SEPTIN7: variants seen among roughly 807,000 people sequenced by gnomAD.
The protein encoded by SEPTIN7 is septin 7.
In SEPTIN7, 10 loss-of-function variants were observed where a neutral mutation model predicts 63.3. The ratio of observed to expected loss-of-function variants is 0.16; its 90% CI spans 0.10 to 0.27. The LOEUF is 0.27. Among genes scored for constraint, SEPTIN7 ranks in the 10% least tolerant of loss-of-function variants. The probability of loss-of-function intolerance (pLI) is 1.00; values close to 1 mark genes in which losing one functional copy is unlikely to be tolerated. For synonymous variants in SEPTIN7, 131 were observed against 165.3 expected (o/e 0.79, Z 1.59); for missense variants, 310 against 521.0 (o/e 0.59, Z 3.94).
intron 1 of SEPTIN7, among the ~76,000 whole-genome samples, chr7:35,824,367 G>A (rs1353165820): frequency 2.0e-5 from 3 of 152,056 alleles, no homozygotes; most frequent in Non-Finnish European, 4.4e-5. Flanking sequence ...GTTTGTTTAG[G>A]TGATTATGAT....
intron 3 of SEPTIN7, among the ~76,000 whole-genome samples, chr7:35,859,327 T>C (rs1381990585): frequency 2.6e-5 from 4 of 152,228 alleles, no homozygotes; most frequent in African/African-American, 9.6e-5. Flanking sequence ...CCTCCATTAC[T>C]GATTTTTAGT....
chr7:35,907,682 T>C (rs116326430), downstream of SEPTIN7, among the ~76,000 whole-genome samples: 403 of 152,310 alleles, frequency 2.6e-3, 2 homozygotes, highest in African/African-American at 9.3e-3. Context: ...CATGATCTTC[T>C]ACAGAGTTGT....
upstream of SEPTIN7, chr7:35,801,041 C>T (rs1436603480): frequency 3.3e-4 from 155 of 475,598 alleles, no homozygotes; most frequent in East Asian, 5.2e-3. Flanking sequence ...GGGCGGGGGA[C>T]GGAGGAGGGA....
chr7:35,880,595 G>T (rs1405337896), intron 7 of SEPTIN7, among the ~76,000 whole-genome samples: 2 of 151,414 alleles, frequency 1.3e-5, no homozygotes, highest in Non-Finnish European at 2.9e-5. Context: ...TATTGATATG[G>T]GTTCTTTTTA....
intron 1 of SEPTIN7, among the ~76,000 whole-genome samples, chr7:35,810,914 A>T (rs1191145740): frequency 6.6e-6 from 1 of 151,480 alleles, no homozygotes; most frequent in Non-Finnish European, 1.5e-5. Context: ...TTACAGGCAC[A>T]TGCCACCACG....
chr7:35,835,511 A>G (rs919361538), intron 3 of SEPTIN7, among the ~76,000 whole-genome samples: 2 of 152,146 alleles, frequency 1.3e-5, no homozygotes, highest in Admixed American at 6.5e-5. Context: ...TTGCTAGGAG[A>G]TGGCAGAACC....
chr7:35,833,393 G>A (rs148311091), intron 3 of SEPTIN7, among the ~76,000 whole-genome samples: 1 of 152,022 alleles, frequency 6.6e-6, no homozygotes, highest in African/African-American at 2.4e-5. Context: ...GACTCTCCTG[G>A]TTCTCTAATT....
chr7:35,841,501 A>G (rs565818635), intron 3 of SEPTIN7, among the ~76,000 whole-genome samples: 1 of 152,346 alleles, frequency 6.6e-6, no homozygotes, highest in East Asian at 1.9e-4. Flanking sequence ...CGAGAGGCCT[A>G]AGATAAACTT....
intron 3 of SEPTIN7, among the ~76,000 whole-genome samples, chr7:35,843,795 T>TA (rs953639523): frequency 1.2e-4 from 19 of 152,206 alleles, no homozygotes; most frequent in African/African-American, 4.6e-4. Context: ...AATAGGCTGA[T>TA]ATTTAGAAGG....
At chr7:35,806,093 CA>C (rs939319473) in intron 1 of SEPTIN7, among the ~76,000 whole-genome samples, 47 of 152,286 alleles carry the variant, frequency 3.1e-4, no homozygotes, top group African/African-American at 1.0e-3. Flanking sequence ...CAGACATTGC[CA>C]AATGTCACGT....
intron 3 of SEPTIN7, among the ~76,000 whole-genome samples, chr7:35,862,755 T>G (rs1202082616): frequency 6.6e-6 from 1 of 152,182 alleles, no homozygotes; most frequent in Non-Finnish European, 1.5e-5. Flanking sequence ...CAATAAATAC[T>G]TTAACTCTGT....
chr7:35,907,396 T>A (rs1005209699), downstream of SEPTIN7, among the ~76,000 whole-genome samples: 3 of 152,238 alleles, frequency 2.0e-5, no homozygotes, highest in Non-Finnish European at 2.9e-5. Context: ...TAGTTACATG[T>A]GTTATTTAAT....
intron 1 of SEPTIN7, among the ~76,000 whole-genome samples, chr7:35,819,843 C>A (rs1446376979): frequency 6.6e-6 from 1 of 152,094 alleles, no homozygotes; most frequent in African/African-American, 2.4e-5. Flanking sequence ...TTGGATCTTA[C>A]TTTTAAAAAT....
chr7:35,893,393 T>A (rs1461288236), intron 11 of SEPTIN7, among the ~76,000 whole-genome samples: 1 of 152,174 alleles, frequency 6.6e-6, no homozygotes, highest in East Asian at 1.9e-4. Context: ...GAATATAAGC[T>A]AAACTTTTTA....
chr7:35,835,956 T>G (rs558391703), intron 3 of SEPTIN7, among the ~76,000 whole-genome samples: 17 of 152,302 alleles, frequency 1.1e-4, no homozygotes, highest in African/African-American at 4.1e-4. Context: ...TTGTATGTAA[T>G]TGTGCTTTAT....
intron 1 of SEPTIN7, among the ~76,000 whole-genome samples, chr7:35,828,619 C>T (rs527705292): frequency 7.9e-5 from 12 of 152,258 alleles, no homozygotes; most frequent in African/African-American, 2.9e-4. Context: ...CCTTGTGATC[C>T]ACCCGCCTTG....
At chr7:35,893,415 C>A (rs185609014) in intron 11 of SEPTIN7, among the ~76,000 whole-genome samples, 82 of 152,248 alleles carry the variant, frequency 5.4e-4, no homozygotes, top group Middle Eastern at 3.4e-3. Context: ...AGATGTTAGA[C>A]ATTGAATAGT....
intron 12 of SEPTIN7, chr7:35,900,989 A>G (rs1318190764): frequency 6.6e-6 from 1 of 152,202 alleles, no homozygotes; most frequent in Non-Finnish European, 1.5e-5. Flanking sequence ...GCAAATCATC[A>G]TGTATATGAT....
At position 35,905,258 on chromosome 7, in the gene SEPTIN7, TTTTG is replaced by T. The variant is rs1330065662; in HGVS notation, c.*971_*974del. The T allele has an allele frequency of 6.6e-6, 1 of 152,656 alleles. No individual in the cohort carries two copies. The highest frequency in any genetic ancestry group is 1.9e-4 in the East Asian group (1 of 5,200). 9.5% of individuals were successfully genotyped at this position (152,656 alleles called of 1,614,324 possible). A position where few individuals can be genotyped will look rare whatever the true frequency, so the allele number is the denominator to read the frequency against. ...TATTCATATATTGCATTTCTGTATTTTTTGTTTGTATTGTAAAAAATTCACATAA... is the reference window on the plus strand; with the variant it reads ...TATTCATATATTGCATTTCTGTATTTTTTGTATTGTAAAAAATTCACATAA... On this transcript the variant is annotated 3_prime_UTR_variant, in exon 14 of 14. Coordinates refer to ENST00000350320, the MANE Select transcript of SEPTIN7 (RefSeq NM_001788.6).
Sources: gnomAD v4.1 joint callset for allele counts (sites outside exome capture counted in the v4.1 genomes callset) on GRCh38, gnomAD v4.1.1 for gene constraint, MANE v1.5 for transcripts, NCBI Gene and HGNC (gene_info 2026-07-23, HGNC 2026-07-21) for gene names.